Variants in NFIA observed in about 807,000 individuals in gnomAD.
The protein encoded by NFIA is nuclear factor 1 A-type.
NFIA carries 8 observed loss-of-function variants against 62.8 expected under a neutral mutation model. The ratio of observed to expected loss-of-function variants is 0.13; its 90% confidence interval spans 0.07 to 0.23. NFIA has a LOEUF of 0.23. Ranked by LOEUF, NFIA falls within the 10% of genes least tolerant of loss-of-function variation. The pLI, the probability that NFIA is intolerant of heterozygous loss-of-function variation, is 1.00. For missense variants in NFIA, 410 were observed against 642.1 expected, an observed-to-expected ratio of 0.64 and a Z score of 3.91; for synonymous variants, 235 against 238.1, an observed-to-expected ratio of 0.99 and a Z score of 0.12.
chr1:61,087,945 C>T (rs945888670), intron 1 of NFIA, among the ~76,000 whole-genome samples: 2 of 151,870 alleles, frequency 1.3e-5, no homozygotes, highest in Non-Finnish European at 2.9e-5. Flanking sequence ...TTTTTATTTC[C>T]GATCATAAGA....
At chr1:61,156,014 A>G (rs151243481) in intron 2 of NFIA, among the ~76,000 whole-genome samples, 150 of 152,308 alleles carry the variant, frequency 9.8e-4, no homozygotes, top group African/African-American at 3.5e-3. Flanking sequence ...GTGCGCCTGT[A>G]GTCCCAGCTA....
upstream of NFIA, chr1:61,077,373 AG>A: frequency 2.7e-6 from 1 of 374,506 alleles, no homozygotes; most frequent in Non-Finnish European, 4.7e-6. Context: ...CGAGCGAGCG[AG>A]CGAGCGAGAG....
chr1:61,451,173 G>C (rs1668042908), intron 10 of NFIA, among the ~76,000 whole-genome samples: 1 of 152,156 alleles, frequency 6.6e-6, no homozygotes. Flanking sequence ...ATTGTTTATG[G>C]TTCATAAAAC....
intron 10 of NFIA, among the ~76,000 whole-genome samples, chr1:61,451,745 C>T (rs1569916637): frequency 6.6e-6 from 1 of 152,220 alleles, no homozygotes; most frequent in Non-Finnish European, 1.5e-5. Context: ...ATAACATCAT[C>T]CTATATTGCA....
chr1:61,190,021 A>T (rs994553792), intron 2 of NFIA, among the ~76,000 whole-genome samples: 2 of 152,316 alleles, frequency 1.3e-5, no homozygotes, highest in South Asian at 4.1e-4. Flanking sequence ...AATTTAATGA[A>T]ATTAAATGTG....
At chr1:61,439,718 G>T (rs1219771777) in intron 10 of NFIA, among the ~76,000 whole-genome samples, 1 of 152,126 alleles carries the variant, frequency 6.6e-6, no homozygotes, top group Non-Finnish European at 1.5e-5. Flanking sequence ...GCCTAAATTG[G>T]GAACTAAGGT....
chr1:61,218,885 C>A (rs1311275732), intron 2 of NFIA, among the ~76,000 whole-genome samples: 2 of 152,140 alleles, frequency 1.3e-5, no homozygotes, highest in Admixed American at 1.3e-4. Context: ...TGTAAAAAAG[C>A]AGCATTAACT....
At chr1:61,329,320 A>T (rs1200535866) in intron 3 of NFIA, among the ~76,000 whole-genome samples, 3 of 151,144 alleles carry the variant, frequency 2.0e-5, no homozygotes, top group Non-Finnish European at 4.4e-5. Context: ...TGCTGGGATT[A>T]CAGGTGGGAG....
At chr1:61,238,820 C>T (rs1378734224) in intron 2 of NFIA, among the ~76,000 whole-genome samples, 1 of 152,150 alleles carries the variant, frequency 6.6e-6, no homozygotes, top group Non-Finnish European at 1.5e-5. Flanking sequence ...GGGCTTCAGA[C>T]ATTATAATGT....
At chr1:61,348,479 C>A (rs957395887) in intron 4 of NFIA, among the ~76,000 whole-genome samples, 4 of 152,176 alleles carry the variant, frequency 2.6e-5, no homozygotes, top group African/African-American at 9.7e-5. Flanking sequence ...GCCAGGCCAC[C>A]TGGTGCCATT....
intron 2 of NFIA, among the ~76,000 whole-genome samples, chr1:61,214,788 G>A (rs191388096): frequency 2.0e-5 from 3 of 152,154 alleles, no homozygotes; most frequent in Non-Finnish European, 4.4e-5. Context: ...AAGATGTTTT[G>A]TAAGTACATA....
intron 2 of NFIA, among the ~76,000 whole-genome samples, chr1:61,146,180 C>G (rs1647926367): frequency 6.6e-6 from 1 of 152,200 alleles, no homozygotes; most frequent in Non-Finnish European, 1.5e-5. Flanking sequence ...ACCTTTGACC[C>G]TCCTGCCTCC....
At chr1:61,265,317 G>A (rs752216475) in intron 2 of NFIA, among the ~76,000 whole-genome samples, 4 of 152,150 alleles carry the variant, frequency 2.6e-5, no homozygotes, top group Non-Finnish European at 5.9e-5. Context: ...ACTTAGCACT[G>A]CATATGTCAG....
intron 7 of NFIA, among the ~76,000 whole-genome samples, chr1:61,396,967 ACTCC>A (rs1390391521): frequency 6.6e-6 from 1 of 151,512 alleles, no homozygotes; most frequent in Non-Finnish European, 1.5e-5. Context: ...GCGCCACTGC[ACTCC>A]ATCCTAGGTG....
rs1249738259 is a variant in NFIA at position 61,108,414 on chromosome 1, C to T, written c.559+19734C>T. The stretch of plus-strand genomic sequence containing the variant: ...AACTCTAATTTCTAGTATAGAAATA[C>T]AGTTACTTTGTGTATAGTGATCTTA... On this transcript the variant is annotated intron_variant, in intron 2 of 10. Transcript: ENST00000403491. Among the ~76,000 whole-genome samples the T allele has an allele frequency of 4.6e-5, 7 of 151,664 alleles. No individual in the cohort carries two copies. The East Asian group carries it at 1.4e-3, about 29-fold the overall frequency.
chr1:61,101,064 A>G (rs1646499872), intron 2 of NFIA, among the ~76,000 whole-genome samples: 1 of 152,042 alleles, frequency 6.6e-6, no homozygotes, highest in Non-Finnish European at 1.5e-5. Context: ...AAGAAAATTC[A>G]AGCAGACAGA....
chr1:61,114,248 A>C (rs1401415565), intron 2 of NFIA, among the ~76,000 whole-genome samples: 1 of 152,074 alleles, frequency 6.6e-6, no homozygotes. Context: ...AACAAATTCT[A>C]TATACGTAGA....
At chr1:61,082,021 G>T, upstream of NFIA, 2 of 1,549,466 alleles carry the variant, frequency 1.3e-6, no homozygotes, top group African/African-American at 1.4e-5. Context: ...GGGCAACCTG[G>T]CAAAGTTGCC....
chr1:61,195,067 G>A (rs201965938), intron 2 of NFIA, among the ~76,000 whole-genome samples: 40 of 146,720 alleles, frequency 2.7e-4, no homozygotes, highest in African/African-American at 1.0e-3. Flanking sequence ...CTTGTTGTAT[G>A]TTATTCTGAC....
Sources: allele counts gnomAD v4.1 joint callset (sites outside exome capture counted in the v4.1 genomes callset), GRCh38; gene constraint gnomAD v4.1.1; transcripts MANE v1.5; gene names NCBI Gene and HGNC (gene_info 2026-07-23, HGNC 2026-07-21).